Variants in ZCCHC17 observed in about 807,000 individuals in gnomAD.
ZCCHC17 encodes the protein zinc finger CCHC domain-containing protein 17.
In ZCCHC17, 18 loss-of-function variants were observed where a neutral mutation model predicts 30.6. The observed-to-expected ratio is 0.59, with a 90% CI of 0.41 to 0.87. The LOEUF is 0.87. Ranked by LOEUF, ZCCHC17 falls within the 40% of genes least tolerant of loss-of-function variation. The pLI is 0.00. For synonymous variants in ZCCHC17, 88 were observed against 92.4 expected (o/e 0.95, Z 0.27); for missense variants, 263 against 284.2 (o/e 0.93, Z 0.54).
intron 3 of ZCCHC17, among the ~76,000 whole-genome samples, chr1:31,335,515 A>G (rs888135431): frequency 6.6e-6 from 1 of 152,114 alleles, no homozygotes; most frequent in South Asian, 2.1e-4. Context: ...ATCTAGGACT[A>G]CAAGCATGCA....
intron 1 of ZCCHC17, among the ~76,000 whole-genome samples, chr1:31,301,878 A>G (rs1646320779): frequency 6.6e-6 from 1 of 152,254 alleles, no homozygotes; most frequent in Non-Finnish European, 1.5e-5. Context: ...TCTATCTTAC[A>G]TGGTCACTCT....
In ZCCHC17 at chr1:31,346,635, T is replaced by C. The variant is rs1639283953; in HGVS notation, c.318-5T>C. The stretch of plus-strand genomic sequence containing the variant: ...GGCCGGCAGTCGGTATCTTTTTCAT[T>C]ATAGGCAAGAAGAGAGGCGGAGGCG... On this transcript the variant is annotated splice_polypyrimidine_tract_variant and splice_region_variant and intron_variant, in intron 5 of 7. Coordinates refer to ENST00000344147, the MANE Select transcript of ZCCHC17 (RefSeq NM_016505.4). 1.2e-6 allele frequency: 2 copies of C among 1,601,728 alleles called. No individual in the cohort carries two copies. The highest frequency in any genetic ancestry group is 1.3e-5 in the African/African-American group (1 of 74,632).
chr1:31,357,034 T>C (rs1027008321), intron 7 of ZCCHC17, among the ~76,000 whole-genome samples: 2 of 152,218 alleles, frequency 1.3e-5, no homozygotes, highest in Admixed American at 1.3e-4. Flanking sequence ...ATCGGTGTTA[T>C]GTTATGAAGA....
intron 1 of ZCCHC17, 48 bp from the exon 2 acceptor site, chr1:31,309,996 C>A (rs1246318425): frequency 8.2e-6 from 9 of 1,096,388 alleles, no homozygotes; most frequent in Non-Finnish European, 1.2e-5. Flanking sequence ...ATATTCATTT[C>A]TTTAATGCAG....
Position 31,348,981 on chromosome 1 carries a change from G to T in ZCCHC17, c.564+7G>T, listed in dbSNP as rs375400852. 3.8e-6 allele frequency: 6 copies of T among 1,560,246 alleles called. No homozygotes were observed. In the African/African-American group the frequency reaches 5.6e-5, roughly 14 times the overall value. The stretch of plus-strand genomic sequence containing the variant: ...TTCTAGAAAAAGAAAGAAGGTGAAT[G>T]CTACTTTGCTTTTATTTTATCATGT... On this transcript the variant is annotated splice_region_variant and intron_variant, in intron 7 of 7. Coordinates refer to ENST00000344147, the MANE Select transcript of ZCCHC17 (RefSeq NM_016505.4).
At chr1:31,346,459 A>T in intron 5 of ZCCHC17, 181 bp from the exon 6 acceptor site, 1 of 562,714 alleles carries the variant, frequency 1.8e-6, no homozygotes, top group Non-Finnish European at 3.0e-6. Flanking sequence ...TCTCATTCGT[A>T]ATTGTTAATT....
intron 3 of ZCCHC17, among the ~76,000 whole-genome samples, chr1:31,327,996 T>A (rs1176077630): frequency 1.3e-5 from 2 of 152,000 alleles, no homozygotes; most frequent in Non-Finnish European, 2.9e-5. Context: ...AAAATAAAGG[T>A]TAAAAACAAA....
intron 2 of ZCCHC17, 144 bp from the exon 3 acceptor site, chr1:31,318,965 G>A (rs1366822767): frequency 1.1e-5 from 10 of 903,268 alleles, no homozygotes; most frequent in East Asian, 2.6e-5. Flanking sequence ...CAGAAAGAAT[G>A]TTTGACAGAG....
At chr1:31,325,952 C>T (rs1261893056) in intron 3 of ZCCHC17, among the ~76,000 whole-genome samples, 1 of 151,258 alleles carries the variant, frequency 6.6e-6, no homozygotes, top group African/African-American at 2.4e-5. Flanking sequence ...ATGATTGTGC[C>T]ACCGCACCCC....
intron 3 of ZCCHC17, among the ~76,000 whole-genome samples, chr1:31,321,618 G>T (rs1646863334): frequency 6.6e-6 from 1 of 152,096 alleles, no homozygotes; most frequent in Non-Finnish European, 1.5e-5. Flanking sequence ...GGGATTACAG[G>T]CATGTGCCAC....
At chr1:31,300,701 C>T (rs1313678859) in intron 1 of ZCCHC17, among the ~76,000 whole-genome samples, 2 of 151,778 alleles carry the variant, frequency 1.3e-5, no homozygotes, top group Admixed American at 6.6e-5. Context: ...TTTGGGAGGC[C>T]GAGGCAGGTG....
At chr1:31,344,411 G>A (rs1478220283) in intron 5 of ZCCHC17, among the ~76,000 whole-genome samples, 3 of 152,130 alleles carry the variant, frequency 2.0e-5, no homozygotes, top group Non-Finnish European at 4.4e-5. Context: ...TGTTTTGTTC[G>A]TTTTGGTATA....
intron 3 of ZCCHC17, among the ~76,000 whole-genome samples, chr1:31,328,987 T>C (rs368258440): frequency 1.1e-4 from 16 of 152,134 alleles, no homozygotes; most frequent in African/African-American, 3.9e-4. Flanking sequence ...CTGGGCAATA[T>C]GGCAAGATCC....
intron 2 of ZCCHC17, among the ~76,000 whole-genome samples, chr1:31,310,839 C>T (rs1181821856): frequency 2.0e-5 from 3 of 152,244 alleles, no homozygotes; most frequent in African/African-American, 7.2e-5. Context: ...GGTTCCCAGA[C>T]TACACATCTG....
intron 3 of ZCCHC17, among the ~76,000 whole-genome samples, chr1:31,335,549 T>C (rs1051731705): frequency 1.4e-4 from 21 of 152,124 alleles, no homozygotes; most frequent in Admixed American, 1.4e-3. Context: ...TTAATTTTTC[T>C]GTAATTTTTC....
At chr1:31,334,335 C>CTG (rs1638724271) in intron 3 of ZCCHC17, among the ~76,000 whole-genome samples, 6 of 56,720 alleles carry the variant, frequency 1.1e-4, no homozygotes, top group African/African-American at 4.8e-4. Flanking sequence ...CTCTCTCTCT[C>CTG]TCTGTGTGTG....
chr1:31,334,333 C>A (rs1338173923), intron 3 of ZCCHC17, among the ~76,000 whole-genome samples: 1 of 60,914 alleles, frequency 1.6e-5, no homozygotes, highest in African/African-American at 6.4e-5. Context: ...CTCTCTCTCT[C>A]TCTCTGTGTG....
chr1:31,317,090 A>C (rs1193981408), intron 2 of ZCCHC17, among the ~76,000 whole-genome samples: 1 of 138,022 alleles, frequency 7.2e-6, no homozygotes, highest in Non-Finnish European at 1.5e-5. Flanking sequence ...CAATGGCGCC[A>C]TCTTGGCTCA....
intron 5 of ZCCHC17, among the ~76,000 whole-genome samples, chr1:31,346,278 A>G (rs1639268835): frequency 6.6e-6 from 1 of 152,178 alleles, no homozygotes; most frequent in African/African-American, 2.4e-5. Context: ...TAGTTTAGAG[A>G]CAAACTGTGA....
Sources: gnomAD v4.1 joint callset for allele counts (sites outside exome capture counted in the v4.1 genomes callset) on GRCh38, gnomAD v4.1.1 for gene constraint, MANE v1.5 for transcripts, NCBI Gene and HGNC (gene_info 2026-07-23, HGNC 2026-07-21) for gene names.